The following RAB31 variants were observed in gnomAD, a reference collection of about 807,000 sequenced individuals.
The protein encoded by RAB31 is ras-related protein Rab-31.
A neutral mutation model predicts 25.6 loss-of-function variants in RAB31; 21 were observed. The ratio of observed to expected loss-of-function variants is 0.82; its 90% CI spans 0.58 to 1.18. RAB31 has a LOEUF of 1.18. RAB31 is among the 50% of genes most tolerant of loss of function. The pLI is 0.00. For missense variants in RAB31, 196 were observed against 250.1 expected (o/e 0.78, Z 1.46); for synonymous variants, 87 against 84.0 (o/e 1.04, Z -0.20).
chr18:9,748,675 G>A (rs1247463352), intron 1 of RAB31, among the ~76,000 whole-genome samples: 2 of 151,948 alleles, frequency 1.3e-5, no homozygotes, highest in Non-Finnish European at 2.9e-5. Context: ...GGCGGATCAC[G>A]AGCTCAGGAG....
At chr18:9,833,024 C>T (rs2068686840) in intron 5 of RAB31, among the ~76,000 whole-genome samples, 2 of 152,102 alleles carry the variant, frequency 1.3e-5, no homozygotes, top group Admixed American at 1.3e-4. Context: ...ACTGCCTGGA[C>T]CTCGACCAGA....
At chr18:9,842,213 T>G (rs1314411682) in intron 5 of RAB31, among the ~76,000 whole-genome samples, 2 of 152,132 alleles carry the variant, frequency 1.3e-5, no homozygotes, top group Non-Finnish European at 2.9e-5. Context: ...GTATTGAGGC[T>G]TCATTACTTA....
chr18:9,811,806 T>C (rs1473231325), intron 3 of RAB31, among the ~76,000 whole-genome samples: 1 of 152,232 alleles, frequency 6.6e-6, no homozygotes, highest in East Asian at 1.9e-4. Context: ...TGTGCTGTTT[T>C]GAGACTATTT....
At chr18:9,730,288 C>CT (rs34004989) in intron 1 of RAB31, among the ~76,000 whole-genome samples, 23,595 of 140,912 alleles carry the variant, frequency 0.17, 2,581 homozygotes, top group Non-Finnish European at 0.24. Flanking sequence ...CTCACCTTAT[C>CT]TTTTTTTTTT....
At chr18:9,711,241 G>A (rs1329412529) in intron 1 of RAB31, among the ~76,000 whole-genome samples, 9 of 151,846 alleles carry the variant, frequency 5.9e-5, no homozygotes, top group Non-Finnish European at 1.3e-4. Flanking sequence ...CTGGAGTGCA[G>A]TGGTGCCATC....
At chr18:9,829,418 G>C (rs1367357011) in intron 5 of RAB31, among the ~76,000 whole-genome samples, 2 of 152,188 alleles carry the variant, frequency 1.3e-5, no homozygotes, top group Non-Finnish European at 2.9e-5. Flanking sequence ...GCTGTCTACT[G>C]TTCCGTTTTA....
intron 6 of RAB31, among the ~76,000 whole-genome samples, chr18:9,852,266 TA>T (rs1400660621): frequency 6.6e-6 from 1 of 152,208 alleles, no homozygotes. Flanking sequence ...ATAATTTTTT[TA>T]AACAATGACA....
chr18:9,738,326 A>T (rs2068160742), intron 1 of RAB31, among the ~76,000 whole-genome samples: 1 of 152,026 alleles, frequency 6.6e-6, no homozygotes, highest in African/African-American at 2.4e-5. Context: ...TAGCTTTAGG[A>T]TGGGGCTGGT....
At chr18:9,717,274 A>G (rs1045385149) in intron 1 of RAB31, among the ~76,000 whole-genome samples, 1 of 152,018 alleles carries the variant, frequency 6.6e-6, no homozygotes, top group Non-Finnish European at 1.5e-5. Flanking sequence ...TTTCGAATAC[A>G]TTTCCTTGGT....
intron 2 of RAB31, among the ~76,000 whole-genome samples, 165 bp downstream of exon 2, chr18:9,775,522 G>T (rs2068367925): frequency 6.7e-6 from 1 of 150,186 alleles, no homozygotes; most frequent in South Asian, 2.1e-4. Context: ...TTCTGAGTAT[G>T]TGTCCAGGCT....
chr18:9,750,427 C>T (rs773059589), intron 1 of RAB31, among the ~76,000 whole-genome samples: 2 of 152,184 alleles, frequency 1.3e-5, no homozygotes, highest in Non-Finnish European at 2.9e-5. Flanking sequence ...AAGGATCCCG[C>T]CTTGTAAAAA....
intron 1 of RAB31, among the ~76,000 whole-genome samples, chr18:9,710,938 G>C (rs903491602): frequency 9.3e-5 from 13 of 139,400 alleles, no homozygotes; most frequent in Admixed American, 5.5e-4. Flanking sequence ...TTTGAGGGTG[G>C]CTGTAAGTTT....
Position 9,859,441 on chromosome 18 carries a change from G to C in RAB31, c.*116G>C. ...CACTTTGAGAAGAGTGAGCACACTG[G>C]CTTTGCATCCTGGAAGACCTGCAGG... On this transcript the variant is annotated 3_prime_UTR_variant, in exon 7 of 7. Transcript: ENST00000578921. 1 of 841,216 alleles carries C rather than the reference G, an allele frequency of 1.2e-6. No individual in the cohort carries two copies. Among genetic ancestry groups the C allele is most frequent in the Non-Finnish European group, 1.8e-6 (1 of 546,298 alleles). 52.1% of individuals were successfully genotyped at this position (841,216 alleles called of 1,614,324 possible). A position where few individuals can be genotyped will look rare whatever the true frequency, so the allele number is the denominator to read the frequency against.
At chr18:9,743,555 T>C (rs947567636) in intron 1 of RAB31, among the ~76,000 whole-genome samples, 2 of 152,074 alleles carry the variant, frequency 1.3e-5, no homozygotes, top group Admixed American at 6.6e-5. Context: ...GGACATGGAG[T>C]TGGGCGCTGG....
At chr18:9,806,570 C>T (rs976342846) in intron 3 of RAB31, among the ~76,000 whole-genome samples, 1 of 151,900 alleles carries the variant, frequency 6.6e-6, no homozygotes, top group Admixed American at 6.6e-5. Flanking sequence ...CAAGAAGGGA[C>T]CAGGGCGGGC....
chr18:9,779,715 C>G (rs2068392066), intron 2 of RAB31, among the ~76,000 whole-genome samples: 1 of 152,202 alleles, frequency 6.6e-6, no homozygotes, highest in African/African-American at 2.4e-5. Context: ...GGTCACAACC[C>G]TTACCTCACC....
At chr18:9,767,232 T>C (rs902065070) in intron 1 of RAB31, among the ~76,000 whole-genome samples, 10 of 152,222 alleles carry the variant, frequency 6.6e-5, no homozygotes, top group Non-Finnish European at 1.2e-4. Flanking sequence ...GCACTCAAGG[T>C]TTGAAAGACT....
At chr18:9,798,524 T>C (rs2068497479) in intron 3 of RAB31, among the ~76,000 whole-genome samples, 1 of 152,238 alleles carries the variant, frequency 6.6e-6, no homozygotes, top group African/African-American at 2.4e-5. Flanking sequence ...AGAAATGTTA[T>C]TGTTCTTTTA....
At chr18:9,855,107 G>T (rs934867699) in intron 6 of RAB31, among the ~76,000 whole-genome samples, 4 of 152,192 alleles carry the variant, frequency 2.6e-5, no homozygotes, top group Non-Finnish European at 4.4e-5. Flanking sequence ...TATTTTTGTT[G>T]TGTGTAAATG....
Sources: allele counts gnomAD v4.1 joint callset (sites outside exome capture counted in the v4.1 genomes callset), GRCh38; gene constraint gnomAD v4.1.1; transcripts MANE v1.5; gene names NCBI Gene and HGNC (gene_info 2026-07-23, HGNC 2026-07-21).